The following MED25 variants were observed in gnomAD, a reference collection of about 807,000 sequenced individuals.
MED25 encodes the protein mediator complex subunit 25, also known as mediator of RNA polymerase II transcription subunit 25.
Under a neutral mutation model 89.4 loss-of-function variants are expected in MED25, and 62 were observed. The ratio of observed to expected loss-of-function variants is 0.69; its 90% CI spans 0.57 to 0.86. The LOEUF is 0.86. MED25 is among the 40% of genes least tolerant of loss of function. The pLI is 0.00. For missense variants in MED25, 905 were observed against 1,005.2 expected, an observed-to-expected ratio of 0.90 and a Z score of 1.35; for synonymous variants, 449 against 427.9, an observed-to-expected ratio of 1.05 and a Z score of -0.61.
In MED25 at chr19:49,834,722, TG is replaced by T; in HGVS notation, c.1483-262del. 2 of 544,172 alleles carry T rather than the reference TG, an allele frequency of 3.7e-6. No homozygotes were observed. The highest frequency in any genetic ancestry group is 2.1e-5 in the South Asian group (1 of 48,228). 33.7% of individuals were successfully genotyped at this position (544,172 alleles called of 1,614,324 possible). ...AGAAACTGGGTCCATGAGGAGCAGG[TG>T]GTGGCTGAAGGTTGAAGAGCTGGGC... On this transcript the variant is annotated intron_variant, in intron 13 of 17. Coordinates refer to ENST00000312865, the MANE Select transcript of MED25 (RefSeq NM_030973.4). The surrounding 1 kb of genome is among the most constrained non-coding windows in gnomAD (Gnocchi z 4.1).
At position 49,829,861 on chromosome 19, in the gene MED25, C is replaced by T. The variant is rs149611039; in HGVS notation, c.601C>T (p.Pro201Ser). 4.3e-6 allele frequency: 7 copies of T among 1,612,776 alleles called. No individual in the cohort carries two copies. In the African/African-American group the frequency reaches 9.3e-5, roughly 22 times the overall value. Residue 201 changes from proline (P) to serine (S), a missense_variant, in exon 6 of 18, where the codon CCG becomes TCG. This residue lies in a region of MED25 where 501 missense variants were observed against 526.9 expected (regional missense o/e 0.95). Coordinates refer to ENST00000312865, the MANE Select transcript of MED25 (RefSeq NM_030973.4). The surrounding 1 kb of genome is among the most constrained non-coding windows in gnomAD (Gnocchi z 4.6). ...GCTTCTGTTTGAGAAGGCAGCCCCC[C>T]CGGCCTTGCTGGAGCCGCTGCAGCC... ...LRLLFEKAAP[P>S]ALLEPLQPPT... is the part of the protein sequence containing the mutation.
rs1480179645 is a variant in MED25 at position 49,830,552 on chromosome 19, T to G, written c.861T>G (p.Asn287Lys). The G allele has an allele frequency of 6.2e-7, 1 of 1,614,004 alleles. No individual in the cohort carries two copies. Among genetic ancestry groups the G allele is most frequent in the Non-Finnish European group, 8.5e-7 (1 of 1,179,998 alleles). The change falls in exon 8 of 18, where the codon AAT becomes AAG. Residue 287 changes from asparagine to lysine, a missense_variant. By Grantham distance (94) the Asn-to-Lys change is moderately conservative. This residue lies in a region of MED25 where 501 missense variants were observed against 526.9 expected (regional missense o/e 0.95). Coordinates refer to ENST00000312865, the MANE Select transcript of MED25 (RefSeq NM_030973.4). The surrounding 1 kb of genome is among the most constrained non-coding windows in gnomAD (Gnocchi z 4.6). The stretch of plus-strand genomic sequence containing the variant: ...GTGCAGCTCAGGTGGCCGCGCAGAA[T>G]GCAGTGGAGGCTGCCAAGAACCAGA... ...NLSAAQVAAQ[N>K]AVEAAKNQKA...
At position 49,831,848 on chromosome 19, in the gene MED25, C is replaced by A; in HGVS notation, c.1231-88C>A. 2 of 1,243,266 alleles carry A rather than the reference C, an allele frequency of 1.6e-6. No individual in the cohort carries two copies. Among genetic ancestry groups the A allele is most frequent in the Non-Finnish European group, 2.4e-6 (2 of 846,118 alleles). 77.0% of individuals were successfully genotyped at this position (1,243,266 alleles called of 1,614,324 possible). On this transcript the variant is annotated intron_variant, in intron 10 of 17. Coordinates refer to ENST00000312865, the MANE Select transcript of MED25 (RefSeq NM_030973.4). This position sits in a 1 kb window ranked among gnomAD's most constrained non-coding sequence, Gnocchi z 5.0. The stretch of plus-strand genomic sequence containing the variant: ...GACTTAAACTGGGGAACATCCTGAG[C>A]TTTGGGGCTACCAGGGTAGGACATG...
At position 49,835,606 on chromosome 19, in the gene MED25, G is replaced by T; in HGVS notation, c.1746+1G>T. The T allele has an allele frequency of 6.4e-7, 1 of 1,560,466 alleles. No individual in the cohort carries two copies. The highest frequency in any genetic ancestry group is 8.7e-7 in the Non-Finnish European group (1 of 1,152,640). On this transcript the variant is annotated splice_donor_variant, in intron 15 of 17. Transcript: ENST00000312865. LOFTEE classifies it high-confidence loss of function. This position sits in a 1 kb window ranked among gnomAD's most constrained non-coding sequence, Gnocchi z 6.2. ...CCAAGCCAGGCCCTCACAGAATCTG[G>T]TGAGGACAGGGCTGGCGGGGTCGGG...
At chr19:49,827,039 C>T (rs34663047) in intron 3 of MED25, among the ~76,000 whole-genome samples, 6,788 of 152,206 alleles carry the variant, frequency 0.045, 171 homozygotes, top group South Asian at 0.077. Context: ...GTGGGCAAGC[C>T]TGGGGGTAAG....
chr19:49,839,409 A>C (rs1354468116), downstream of MED25: 1 of 155,644 alleles, frequency 6.4e-6, no homozygotes, highest in Non-Finnish European at 1.4e-5. Context: ...AACTGAACAG[A>C]ACACACCGCG....
chr19:49,836,623 G>A lies in MED25; in HGVS notation c.2146+217G>A, dbSNP rs2074100505. The A allele has an allele frequency of 6.7e-6, 5 of 745,972 alleles. No homozygotes were observed. The highest frequency in any genetic ancestry group is 4.5e-4 in the Middle Eastern group (2 of 4,458). The allele number at this position is 745,972 out of a possible 1,614,324, so 46.2% of individuals were successfully genotyped here. A position where few individuals can be genotyped will look rare whatever the true frequency, so the allele number is the denominator to read the frequency against. ...AGAGCGTTTCCCATGATCCTCCTGT[G>A]TGTGCTCCTGGGATTGCTGGGAAAT... On this transcript the variant is annotated intron_variant, in intron 17 of 17. Transcript: ENST00000312865. The surrounding 1 kb of genome is among the most constrained non-coding windows in gnomAD (Gnocchi z 5.1).
At chr19:49,838,446 C>T (rs1401920004), downstream of MED25, 1 of 402,134 alleles carries the variant, frequency 2.5e-6, no homozygotes. Context: ...TCGCCACAGT[C>T]CCCACCACTC....
chr19:49,836,038 A>C lies in MED25; in HGVS notation c.1965+93A>C. 1 of 1,561,568 alleles carries C rather than the reference A, an allele frequency of 6.4e-7. No individual in the cohort carries two copies. Among genetic ancestry groups the C allele is most frequent in the Non-Finnish European group, 8.7e-7 (1 of 1,154,794 alleles). On this transcript the variant is annotated intron_variant, in intron 16 of 17. Transcript: ENST00000312865. This position sits in a 1 kb window ranked among gnomAD's most constrained non-coding sequence, Gnocchi z 5.1. ...GGGAGGAGGGAGGTTGACTGTGGTCAGTGGGTGTGAATGGGGACCCGCCCA... is the reference window on the plus strand; with the variant it reads ...GGGAGGAGGGAGGTTGACTGTGGTCCGTGGGTGTGAATGGGGACCCGCCCA...
chr19:49,821,579 C>CCGGAT (rs2073982149), intron 3 of MED25, among the ~76,000 whole-genome samples: 2 of 151,482 alleles, frequency 1.3e-5, no homozygotes, highest in Admixed American at 1.3e-4. Context: ...CCAGCCTGTC[C>CCGGAT]AACATGGTGA....
At position 49,834,663 on chromosome 19, in the gene MED25, C is replaced by T. The variant is rs1217353452; in HGVS notation, c.1483-323C>T. ...TCTCCCGGCCGTGACCCTCAGCCGC[C>T]CTCTGAGGAGGCCGCCGTGGCATTT... On this transcript the variant is annotated intron_variant, in intron 13 of 17. Transcript: ENST00000312865. This position sits in a 1 kb window ranked among gnomAD's most constrained non-coding sequence, Gnocchi z 4.1. 2.1e-5 allele frequency: 9 copies of T among 424,070 alleles called. No homozygotes were observed. The East Asian group carries it at 4.1e-4, about 19-fold the overall frequency. The allele number at this position is 424,070 out of a possible 1,614,324, so 26.3% of individuals were successfully genotyped here. A position where few individuals can be genotyped will look rare whatever the true frequency, so the allele number is the denominator to read the frequency against.
Position 49,830,181 on chromosome 19 carries a change from C to T in MED25, c.782C>T (p.Pro261Leu), listed in dbSNP as rs1203888895. The T allele has an allele frequency of 3.7e-6, 6 of 1,604,228 alleles. No individual in the cohort carries two copies. The highest frequency in any genetic ancestry group is 8.5e-7 in the Non-Finnish European group (1 of 1,172,586). Residue 261 changes from proline (P) to leucine (L), a missense_variant, in exon 7 of 18, where the codon CCC becomes CTC. This residue lies in a region of MED25 where 501 missense variants were observed against 526.9 expected (regional missense o/e 0.95). Transcript: ENST00000312865. The surrounding 1 kb of genome is among the most constrained non-coding windows in gnomAD (Gnocchi z 4.6). ...TCAGGTGCCACTCTCTCAGCAGCCC[C>T]CCAGCAGCCTCTGCCCCCCGTCCCC... The part of the protein sequence containing the change: ...APSGATLSAA[P>L]QQPLPPVPPQ...
At position 49,831,546 on chromosome 19, in the gene MED25, G is replaced by A; in HGVS notation, c.1230+85G>A. 6.7e-7 allele frequency: 1 copy of A among 1,493,200 alleles called. No homozygotes were observed. The highest frequency in any genetic ancestry group is 9.1e-7 in the Non-Finnish European group (1 of 1,100,982). 92.5% of individuals were successfully genotyped at this position (1,493,200 alleles called of 1,614,324 possible). On this transcript the variant is annotated intron_variant, in intron 10 of 17. Coordinates refer to ENST00000312865, the MANE Select transcript of MED25 (RefSeq NM_030973.4). The surrounding 1 kb of genome is among the most constrained non-coding windows in gnomAD (Gnocchi z 5.0). ...GTAGGACTCATGGGGCCAGATGCGT[G>A]GGGTCTGCAGTGCTGGGTTTGGAGG... is the stretch of plus-strand genomic sequence containing the variant.
chr19:49,826,330 ACTCCGT>A (rs1196732296), intron 3 of MED25, among the ~76,000 whole-genome samples: 1 of 152,114 alleles, frequency 6.6e-6, no homozygotes, highest in Admixed American at 6.5e-5. Context: ...ACAGAGCGAG[ACTCCGT>A]CTCAAAAACA....
rs1447845181 is a variant in MED25, at chr19:49,830,704, C to G, written c.918C>G (p.Ile306Met). The G allele has an allele frequency of 6.2e-7, 1 of 1,614,050 alleles. No homozygotes were observed. The change falls in exon 9 of 18, where the codon ATC (isoleucine) becomes ATG (methionine). Residue 306 changes from isoleucine (I) to methionine (M), a missense_variant. Ile to Met is a conservative substitution (Grantham distance 10, BLOSUM62 1). Around this residue, in one of 3 missense-constraint regions of MED25, gnomAD observed 501 missense variants for 526.9 expected, o/e 0.95. Coordinates refer to ENST00000312865, the MANE Select transcript of MED25 (RefSeq NM_030973.4). The surrounding 1 kb of genome is among the most constrained non-coding windows in gnomAD (Gnocchi z 4.6). ...KAGLGPRFSP[I>M]TPLQQAAPGV... ...TGGTCTCTCCCACAGTCTCGCCCATCACCCCTCTCCAACAAGCTGCTCCCG... is the reference window on the plus strand; with the variant it reads ...TGGTCTCTCCCACAGTCTCGCCCATGACCCCTCTCCAACAAGCTGCTCCCG...
chr19:49,829,704 C>A lies in MED25; in HGVS notation c.526-82C>A. The A allele has an allele frequency of 7.0e-7, 1 of 1,426,334 alleles. No individual in the cohort carries two copies. Among genetic ancestry groups the A allele is most frequent in the Non-Finnish European group, 9.6e-7 (1 of 1,039,380 alleles). 88.4% of individuals were successfully genotyped at this position (1,426,334 alleles called of 1,614,324 possible). A position where few individuals can be genotyped will look rare whatever the true frequency, so the allele number is the denominator to read the frequency against. ...GTAGGGCTGGTGCCGTCCAGCCACACAGCAGTTGTGGTAGGTTGGGGGCCG... is the reference window on the plus strand; with the variant it reads ...GTAGGGCTGGTGCCGTCCAGCCACAAAGCAGTTGTGGTAGGTTGGGGGCCG... On this transcript the variant is annotated intron_variant, in intron 5 of 17. Transcript: ENST00000312865. The surrounding 1 kb of genome is among the most constrained non-coding windows in gnomAD (Gnocchi z 4.6).
intron 3 of MED25, among the ~76,000 whole-genome samples, chr19:49,826,271 G>A (rs1299539083): frequency 1.3e-5 from 2 of 152,228 alleles, no homozygotes; most frequent in East Asian, 1.9e-4. Context: ...AATCCGGGAG[G>A]CGGAGCTTGC....
At chr19:49,821,016 A>G (rs2073978058) in intron 3 of MED25, among the ~76,000 whole-genome samples, 2 of 152,238 alleles carry the variant, frequency 1.3e-5, no homozygotes, top group Non-Finnish European at 2.9e-5. Flanking sequence ...GCAAACATTT[A>G]TTATCTAACG....
At chr19:49,822,974 G>C (rs2073993559) in intron 3 of MED25, among the ~76,000 whole-genome samples, 1 of 151,692 alleles carries the variant, frequency 6.6e-6, no homozygotes, top group Non-Finnish European at 1.5e-5. Context: ...CCTGAGACAG[G>C]GTCTTGCTCT....
Sources: allele counts gnomAD v4.1 joint callset (sites outside exome capture counted in the v4.1 genomes callset), GRCh38; gene constraint gnomAD v4.1.1; regional missense constraint gnomAD v4.1.1; non-coding constraint Gnocchi (gnomAD v3.1); transcripts MANE v1.5; gene names NCBI Gene and HGNC (gene_info 2026-07-23, HGNC 2026-07-21).